Variants in EFCAB7 observed in about 807,000 individuals in gnomAD.
EFCAB7 encodes EF-hand calcium-binding domain-containing protein 7.
A neutral mutation model predicts 77.1 loss-of-function variants in EFCAB7; 66 were observed. That is an observed-to-expected ratio of 0.86 (90% CI 0.70 to 1.05). EFCAB7 has a LOEUF of 1.05. EFCAB7 is among the 50% of genes least tolerant of loss of function. The pLI, the probability that EFCAB7 is intolerant of heterozygous loss-of-function variation, is 0.00. For synonymous variants in EFCAB7, 225 were observed against 243.3 expected, an observed-to-expected ratio of 0.92 and a Z score of 0.70; for missense variants, 638 against 730.5, an observed-to-expected ratio of 0.87 and a Z score of 1.46.
Position 63,572,404 on chromosome 1 carries a change from A to G in EFCAB7, c.1816-38A>G, listed in dbSNP as rs532770646. On this transcript the variant is annotated intron_variant, in intron 13 of 13. Transcript: ENST00000371088. ...AAAAATTAGCCAAAAGTAACAATAT[A>G]TAAAAAGAGAGTAAAAGCTTTCTAT... 10 of 1,540,154 alleles carry G rather than the reference A, an allele frequency of 6.5e-6. No homozygotes were observed. In the Admixed American group the frequency reaches 1.1e-4, roughly 16 times the overall value.
chr1:63,536,169 C>T (rs1400530503), intron 6 of EFCAB7, among the ~76,000 whole-genome samples: 1 of 152,140 alleles, frequency 6.6e-6, no homozygotes, highest in Non-Finnish European at 1.5e-5. Flanking sequence ...CTTTTTAATA[C>T]TGTGAGTTTC....
At chr1:63,572,700 G>A (rs926833924), downstream of EFCAB7, 11 of 965,396 alleles carry the variant, frequency 1.1e-5, no homozygotes, top group African/African-American at 1.9e-4. Flanking sequence ...TTCATTGTGT[G>A]GTGTTCTTAT....
chr1:63,555,885 A>G (rs1397194747), intron 9 of EFCAB7, among the ~76,000 whole-genome samples: 1 of 152,054 alleles, frequency 6.6e-6, no homozygotes, highest in East Asian at 1.9e-4. Context: ...CTGGGATTAC[A>G]GGGGCTTGCC....
intron 12 of EFCAB7, chr1:63,569,029 T>G (rs78680150): frequency 3.3e-5 from 5 of 152,218 alleles, no homozygotes; most frequent in Non-Finnish European, 7.3e-5. Context: ...TTCCCTGCTA[T>G]TAATACTATT....
At chr1:63,558,793 C>T (rs1647059049) in intron 10 of EFCAB7, among the ~76,000 whole-genome samples, 1 of 151,706 alleles carries the variant, frequency 6.6e-6, no homozygotes, top group Non-Finnish European at 1.5e-5. Flanking sequence ...GATGGAGTCT[C>T]ACACTGTTGC....
intron 10 of EFCAB7, among the ~76,000 whole-genome samples, chr1:63,558,044 T>C (rs969414108): frequency 2.0e-5 from 3 of 152,194 alleles, no homozygotes; most frequent in African/African-American, 7.2e-5. Flanking sequence ...GAGAAGTATA[T>C]TATTTATATA....
chr1:63,580,413 T>C, the EFCAB7 span, among the ~76,000 whole-genome samples: 2 of 152,206 alleles, frequency 1.3e-5, no homozygotes, highest in Admixed American at 6.5e-5. Flanking sequence ...TTCTGAACTC[T>C]ATTCTGTTCC....
chr1:63,529,335 T>C (rs1488214765), intron 2 of EFCAB7: 1 of 152,242 alleles, frequency 6.6e-6, no homozygotes, highest in Non-Finnish European at 1.5e-5. Flanking sequence ...GAGAATTTTA[T>C]TTATGGATTT....
intron 8 of EFCAB7, among the ~76,000 whole-genome samples, chr1:63,554,451 T>C (rs1647004475): frequency 1.3e-5 from 2 of 152,206 alleles, no homozygotes; most frequent in African/African-American, 4.8e-5. Flanking sequence ...GTGATTCTCC[T>C]GCCTCAGCCT....
At chr1:63,553,583 C>T (rs536560115) in intron 8 of EFCAB7, among the ~76,000 whole-genome samples, 4 of 152,290 alleles carry the variant, frequency 2.6e-5, no homozygotes, top group African/African-American at 9.6e-5. Context: ...CATGATCCGC[C>T]TGCCTTGGCC....
the EFCAB7 span, among the ~76,000 whole-genome samples, chr1:63,580,053 TG>T: frequency 6.6e-6 from 1 of 152,182 alleles, no homozygotes; most frequent in South Asian, 2.1e-4. Flanking sequence ...GTATAGAGAG[TG>T]AAAGTTTTAC....
intron 11 of EFCAB7, among the ~76,000 whole-genome samples, 186 bp downstream of exon 11, chr1:63,562,043 T>C (rs1647107644): frequency 6.6e-6 from 1 of 152,176 alleles, no homozygotes; most frequent in Admixed American, 6.5e-5. Flanking sequence ...ACCTGAAATT[T>C]AGTTACTGCC....
the EFCAB7 span, among the ~76,000 whole-genome samples, chr1:63,577,915 G>A: frequency 6.6e-6 from 1 of 152,170 alleles, no homozygotes; most frequent in Non-Finnish European, 1.5e-5. Flanking sequence ...TTGAAGCTAA[G>A]TAGTGCTTTG....
chr1:63,582,300 A>G, the EFCAB7 span, among the ~76,000 whole-genome samples: 2 of 152,254 alleles, frequency 1.3e-5, no homozygotes, highest in African/African-American at 2.4e-5. Flanking sequence ...AAGTCATGAC[A>G]TTACAAGAAA....
At chr1:63,543,324 C>A (rs749132252) in intron 6 of EFCAB7, among the ~76,000 whole-genome samples, 1 of 152,152 alleles carries the variant, frequency 6.6e-6, no homozygotes, top group Admixed American at 6.5e-5. Flanking sequence ...TAGTACCACA[C>A]CCTTTTGATT....
intron 11 of EFCAB7, among the ~76,000 whole-genome samples, chr1:63,564,662 T>A (rs1421647190): frequency 1.3e-5 from 2 of 152,170 alleles, no homozygotes; most frequent in Non-Finnish European, 2.9e-5. Context: ...TTCAATGATA[T>A]TCCCACTAAA....
intron 8 of EFCAB7, among the ~76,000 whole-genome samples, chr1:63,553,522 T>C (rs1297737032): frequency 6.6e-6 from 1 of 152,162 alleles, no homozygotes; most frequent in Non-Finnish European, 1.5e-5. Flanking sequence ...GTATTTTTCG[T>C]AAAGACAGGG....
At chr1:63,530,864 A>G (rs1020645934) in intron 2 of EFCAB7, among the ~76,000 whole-genome samples, 1 of 152,178 alleles carries the variant, frequency 6.6e-6, no homozygotes, top group Non-Finnish European at 1.5e-5. Flanking sequence ...TCATTAAGAT[A>G]TTTGTTTTTT....
chr1:63,570,867 A>G (rs1436347057), intron 12 of EFCAB7, 154 bp from the exon 13 acceptor site: 5 of 446,338 alleles, frequency 1.1e-5, no homozygotes, highest in Non-Finnish European at 2.0e-5. Flanking sequence ...ATCAATGAGA[A>G]AAAGTAACAA....
Sources: gnomAD v4.1 joint callset for allele counts (sites outside exome capture counted in the v4.1 genomes callset) on GRCh38, gnomAD v4.1.1 for gene constraint, MANE v1.5 for transcripts, NCBI Gene and HGNC (gene_info 2026-07-23, HGNC 2026-07-21) for gene names.